Variants in SLC6A13 observed in about 807,000 individuals in gnomAD.
SLC6A13 encodes solute carrier family 6 member 13.
Under a neutral mutation model 72.9 loss-of-function variants are expected in SLC6A13, and 69 were observed. The observed-to-expected ratio is 0.95, with a 90% CI of 0.78 to 1.16. SLC6A13 has a LOEUF of 1.16. SLC6A13 is among the 50% of genes most tolerant of loss of function. The probability of loss-of-function intolerance (pLI) is 0.00; values close to 1 mark genes in which losing one functional copy is unlikely to be tolerated. For missense variants in SLC6A13, 735 were observed against 760.5 expected (o/e 0.97, Z 0.39); for synonymous variants, 303 against 303.0 (o/e 1.00, Z 0.00).
At chr12:233,073 C>T (rs1057253953) in intron 7 of SLC6A13, among the ~76,000 whole-genome samples, 3 of 152,238 alleles carry the variant, frequency 2.0e-5, no homozygotes, top group African/African-American at 7.2e-5. Context: ...GTGTCTTCCA[C>T]GTGCTGGGAG....
At chr12:223,882 A>T in intron 11 of SLC6A13, 110 bp downstream of exon 11, 1 of 1,243,460 alleles carries the variant, frequency 8.0e-7, no homozygotes, top group Non-Finnish European at 1.2e-6. Flanking sequence ...AGTGTCCAGA[A>T]GCCCAGAAGA....
chr12:235,169 C>T lies in SLC6A13; in HGVS notation c.752G>A (p.Arg251Gln), dbSNP rs755181982. 29 of 1,614,028 alleles carry T rather than the reference C, an allele frequency of 1.8e-5. No individual in the cohort carries two copies. The highest frequency in any genetic ancestry group is 2.5e-5 in the Non-Finnish European group (29 of 1,180,012). ...PYLMLVVLLIRGVTLPGAAQG... is the reference protein window; with the variant it reads ...PYLMLVVLLIQGVTLPGAAQG... Reference sequence around the variant, plus strand: ...GGCTGCCCCAGGCAACGTCACCCCTCGAATTAACAGGACCACCAGCATGAG... The same window carrying T: ...GGCTGCCCCAGGCAACGTCACCCCTTGAATTAACAGGACCACCAGCATGAG... Residue 251 changes from arginine (R) to glutamine (Q), a missense_variant, in exon 7 of 15, where the codon CGA becomes CAA. Physicochemically the swap from Arg to Gln is conservative, Grantham distance 43. Transcript: ENST00000343164.
chr12:259,859 T>C lies in SLC6A13; in HGVS notation c.194A>G (p.Asn65Ser), dbSNP rs1565511971. 2.5e-6 allele frequency: 4 copies of C among 1,614,202 alleles called. No individual in the cohort carries two copies. The highest frequency in any genetic ancestry group is 3.4e-6 in the Non-Finnish European group (4 of 1,180,020). ...AAGGGCTCTCATCTCACCTCCCCCA[T>C]TTTTGTAGCAGAGATAGGGAAACCT... The part of the protein sequence containing the change: ...VWRFPYLCYK[N>S]GGGAFFIPYL... The change falls in exon 2 of 15, where the codon AAT (asparagine) becomes AGT (serine). Residue 65 changes from asparagine to serine, a missense_variant. Transcript: ENST00000343164.
chr12:238,059 C>G lies in SLC6A13; in HGVS notation c.479-49G>C, dbSNP rs78211840. 15,013 of 1,590,504 alleles carry G rather than the reference C, an allele frequency of 9.4e-3. 339 individuals are homozygous for G. The highest frequency in any genetic ancestry group is 0.091 in the African/African-American group (6,766 of 74,478). ...AAAAAAGAGAAAAATCATCAGCCAGCCTATGACACAACTGGAGAGTGGGGT... is the reference window on the plus strand; with the variant it reads ...AAAAAAGAGAAAAATCATCAGCCAGGCTATGACACAACTGGAGAGTGGGGT... On this transcript the variant is annotated intron_variant, in intron 4 of 14. Coordinates refer to ENST00000343164, the MANE Select transcript of SLC6A13 (RefSeq NM_016615.5).
At chr12:233,267 C>T (rs1320424831) in intron 7 of SLC6A13, among the ~76,000 whole-genome samples, 7 of 152,158 alleles carry the variant, frequency 4.6e-5, no homozygotes. Context: ...CTTACCCACG[C>T]ACCCCTCCGG....
intron 5 of SLC6A13, among the ~76,000 whole-genome samples, 167 bp from the exon 6 acceptor site, chr12:237,457 G>C (rs1251395412): frequency 6.6e-6 from 1 of 152,232 alleles, no homozygotes; most frequent in South Asian, 2.1e-4. Flanking sequence ...TGGACATAAA[G>C]GTGGAGAATG....
chr12:239,445 C>T (rs377643843), intron 4 of SLC6A13, among the ~76,000 whole-genome samples: 9 of 152,284 alleles, frequency 5.9e-5, no homozygotes, highest in African/African-American at 1.9e-4. Flanking sequence ...CTCAATGACT[C>T]GTTCCCCCTC....
At chr12:225,645 A>G (rs1375487567) in intron 9 of SLC6A13, among the ~76,000 whole-genome samples, 2 of 142,554 alleles carry the variant, frequency 1.4e-5, no homozygotes, top group African/African-American at 2.8e-5. Flanking sequence ...GCAAGACTCT[A>G]TCTCAAACAG....
chr12:222,972 C>T (rs532995900), intron 12 of SLC6A13, 160 bp downstream of exon 12: 6 of 601,768 alleles, frequency 1.0e-5, no homozygotes, highest in African/African-American at 7.4e-5. Flanking sequence ...GGAGGGCCTT[C>T]CAAAGGTAGC....
At chr12:233,753 T>C (rs529596221) in intron 7 of SLC6A13, among the ~76,000 whole-genome samples, 8 of 152,234 alleles carry the variant, frequency 5.3e-5, no homozygotes, top group African/African-American at 1.2e-4. Context: ...GAGATATTAC[T>C]AGAAATACTA....
intron 6 of SLC6A13, among the ~76,000 whole-genome samples, chr12:235,612 C>G (rs181481930): frequency 6.6e-6 from 1 of 151,822 alleles, no homozygotes; most frequent in African/African-American, 2.4e-5. Context: ...TTGTAAAACA[C>G]GTATGTTTGA....
intron 2 of SLC6A13, among the ~76,000 whole-genome samples, chr12:244,364 A>G (rs1391040053): frequency 6.6e-6 from 1 of 152,188 alleles, no homozygotes; most frequent in Non-Finnish European, 1.5e-5. Flanking sequence ...GAATGGATTA[A>G]TGTTATTACT....
intron 14 of SLC6A13, 133 bp from the exon 15 acceptor site, chr12:221,203 C>T (rs1941193047): frequency 7.4e-7 from 1 of 1,346,480 alleles, no homozygotes; most frequent in Non-Finnish European, 9.9e-7. Flanking sequence ...GTCTGGGAGT[C>T]CCCCTGTGTC....
intron 2 of SLC6A13, 108 bp from the exon 3 acceptor site, chr12:243,921 G>A: frequency 9.1e-7 from 1 of 1,094,610 alleles, no homozygotes; most frequent in Non-Finnish European, 1.3e-6. Flanking sequence ...CTCGGAGGCA[G>A]AGAACATGCA....
At chr12:261,416 C>T (rs1942922596) in intron 1 of SLC6A13, among the ~76,000 whole-genome samples, 1 of 152,212 alleles carries the variant, frequency 6.6e-6, no homozygotes, top group Admixed American at 6.5e-5. Context: ...CAGTTCCATC[C>T]CTTTGATTAC....
chr12:221,395 A>C lies in SLC6A13; in HGVS notation c.1667T>G (p.Leu556Arg), dbSNP rs778667388. ...CCCTACCTCTCTGAAGGGGCCCTTG[A>C]GGGTTCCGAGTCTGTAGAGGCTCCA... ...PAWSLYRLGT[L>R]KGPFRERIRQ... The change falls in exon 14 of 15, where the codon CTC becomes CGC. Residue 556 changes from leucine to arginine, a missense_variant. Transcript: ENST00000343164. The C allele has an allele frequency of 6.2e-7, 1 of 1,605,492 alleles. No homozygotes were observed.
At chr12:248,474 A>G (rs1251647086) in intron 2 of SLC6A13, among the ~76,000 whole-genome samples, 2 of 151,880 alleles carry the variant, frequency 1.3e-5, no homozygotes, top group Admixed American at 6.5e-5. Flanking sequence ...GTTTATCTTA[A>G]TGTCACACAA....
chr12:255,454 G>C (rs1268728531), intron 2 of SLC6A13, among the ~76,000 whole-genome samples: 2 of 152,192 alleles, frequency 1.3e-5, no homozygotes, highest in Non-Finnish European at 2.9e-5. Flanking sequence ...CCAGCACTTT[G>C]GGAGGCCAAG....
At position 254,147 on chromosome 12, in the gene SLC6A13, G is replaced by T. The variant is rs1942655669; in HGVS notation, c.202+5704C>A. ...TTTGCTTTCCCTCCTGGCAGCTGAG[G>T]GTGGAGGGCTGGAGGAATAGTTCAA... On this transcript the variant is annotated intron_variant, in intron 2 of 14. Coordinates refer to ENST00000343164, the MANE Select transcript of SLC6A13 (RefSeq NM_016615.5). This position sits in a 1 kb window ranked among gnomAD's most constrained non-coding sequence, Gnocchi z 4.4. Among the ~76,000 whole-genome samples, 1 of 152,198 alleles carries T rather than the reference G, an allele frequency of 6.6e-6. No individual in the cohort carries two copies. Among genetic ancestry groups the T allele is most frequent in the Non-Finnish European group, 1.5e-5 (1 of 68,046 alleles).
Sources: gnomAD v4.1 joint callset for allele counts (sites outside exome capture counted in the v4.1 genomes callset) on GRCh38, gnomAD v4.1.1 for gene constraint, Gnocchi (gnomAD v3.1) non-coding constraint, MANE v1.5 for transcripts, NCBI Gene and HGNC (gene_info 2026-07-23, HGNC 2026-07-21) for gene names.